The following LCOR variants were observed in gnomAD, a reference collection of about 807,000 sequenced individuals.
LCOR encodes the protein ligand dependent nuclear receptor corepressor.
LCOR carries 14 observed loss-of-function variants against 64.4 expected under a neutral mutation model. The ratio of observed to expected loss-of-function variants is 0.22; its 90% CI spans 0.14 to 0.34. The LOEUF is 0.34. LCOR is among the 10% of genes least tolerant of loss of function. The pLI is 1.00. For missense variants in LCOR, 1,686 were observed against 1,765.3 expected (o/e 0.96, Z 0.80); for synonymous variants, 643 against 642.5 (o/e 1.00, Z -0.01).
chr10:96,949,745 G>A (rs962391459), intron 6 of LCOR, among the ~76,000 whole-genome samples: 5 of 152,098 alleles, frequency 3.3e-5, no homozygotes, highest in African/African-American at 1.2e-4. Context: ...ACATGTATTC[G>A]AATTTTGAGA....
intron 2 of LCOR, among the ~76,000 whole-genome samples, chr10:96,868,435 C>T (rs370513662): frequency 7.3e-5 from 11 of 151,606 alleles, no homozygotes; most frequent in Non-Finnish European, 4.4e-5. Flanking sequence ...CCACCACCCC[C>T]GGCTAATTTT....
At chr10:96,845,360 A>T (rs1228109496) in intron 2 of LCOR, among the ~76,000 whole-genome samples, 2 of 151,166 alleles carry the variant, frequency 1.3e-5, no homozygotes, top group Non-Finnish European at 2.9e-5. Context: ...AATGATATAA[A>T]CACTAATTTC....
At chr10:96,940,845 G>C (rs1201462003) in intron 4 of LCOR, among the ~76,000 whole-genome samples, 1 of 150,396 alleles carries the variant, frequency 6.6e-6, no homozygotes, top group Non-Finnish European at 1.5e-5. Context: ...CCTCCCAGAC[G>C]GGGTCGTGGC....
chr10:96,924,098 A>G (rs1055557879), intron 4 of LCOR, among the ~76,000 whole-genome samples: 1 of 152,166 alleles, frequency 6.6e-6, no homozygotes, highest in Admixed American at 6.6e-5. Flanking sequence ...TACCTGTACC[A>G]CAAGCAAATA....
At chr10:96,853,966 G>A (rs1001793625) in intron 2 of LCOR, among the ~76,000 whole-genome samples, 2 of 152,124 alleles carry the variant, frequency 1.3e-5, no homozygotes, top group Non-Finnish European at 2.9e-5. Context: ...CATGGGGGAA[G>A]CTGCCTCCAT....
chr10:96,958,104 A>C, intron 7 of LCOR: 4 of 1,118,676 alleles, frequency 3.6e-6, no homozygotes, highest in Non-Finnish European at 4.4e-6. Context: ...GCACACAATT[A>C]ATTGCAGCCA....
chr10:96,920,511 T>C (rs1847039608), intron 4 of LCOR, among the ~76,000 whole-genome samples: 1 of 147,262 alleles, frequency 6.8e-6, no homozygotes, highest in Non-Finnish European at 1.5e-5. Flanking sequence ...TATATGTATG[T>C]ATATTCAGAT....
chr10:96,964,976 TAAAGAAC>T (rs1847933280), intron 7 of LCOR, among the ~76,000 whole-genome samples: 1 of 152,036 alleles, frequency 6.6e-6, no homozygotes, highest in African/African-American at 2.4e-5. Flanking sequence ...CCAGAACACA[TAAAGAAC>T]AGAGTATATG....
At chr10:96,881,663 G>T (rs891092391) in intron 2 of LCOR, among the ~76,000 whole-genome samples, 3 of 152,052 alleles carry the variant, frequency 2.0e-5, no homozygotes, top group Admixed American at 6.6e-5. Flanking sequence ...CACCATGTTG[G>T]CCAGGCTGGT....
rs372411239 is a variant in LCOR, at chr10:96,984,087, C to T, written c.3627C>T (p.Asp1209=). 9.3e-6 allele frequency: 15 copies of T among 1,613,998 alleles called. No homozygotes were observed. Among genetic ancestry groups the T allele is most frequent in the Middle Eastern group, 1.6e-4 (1 of 6,084 alleles). ...AGCTCAATACTCGCCTTCCAGGAGA[C>T]GTTCCCCCTGTCAAGCATCCTCTTC... is the stretch of plus-strand genomic sequence containing the variant. ...VKKLNTRLPG[D]VPPVKHPLQK... Residue 1209 remains aspartate, a synonymous_variant, in exon 8 of 8, where the codon GAC becomes GAT. Transcript: ENST00000421806.
In LCOR at chr10:96,832,350, C is replaced by G. The variant is rs189431646; in HGVS notation, c.-453C>G. The G allele has an allele frequency of 3.7e-4, 362 of 985,086 alleles. 2 individuals are homozygous for G. The African/African-American group carries it at 6.1e-3, about 17-fold the overall frequency. The allele number at this position is 985,086 out of a possible 1,614,324, so 61.0% of individuals were successfully genotyped here. Reference sequence around the variant, plus strand: ...AGCAATGCTCCGTTGAGAGACGCGGCTTTCGGCAAGAACTGGATTCGTGGC... The same window carrying G: ...AGCAATGCTCCGTTGAGAGACGCGGGTTTCGGCAAGAACTGGATTCGTGGC... On this transcript the variant is annotated 5_prime_UTR_variant, in exon 1 of 8. Transcript: ENST00000421806.
At chr10:96,931,833 G>T (rs752904847) in intron 4 of LCOR, among the ~76,000 whole-genome samples, 1 of 152,170 alleles carries the variant, frequency 6.6e-6, no homozygotes, top group African/African-American at 2.4e-5. Context: ...TAATAAGTAC[G>T]TGGGAACTGT....
Position 96,987,635 on chromosome 10 carries a change from A to G in LCOR, c.*2501A>G, listed in dbSNP as rs899815815. On this transcript the variant is annotated 3_prime_UTR_variant, in exon 8 of 8. Transcript: ENST00000421806. ...TATAATAAGGACATTTAAATAGACC[A>G]AGAGTCTACATAATTATGACACTTA... 1 of 152,240 alleles carries G rather than the reference A, an allele frequency of 6.6e-6. No individual in the cohort carries two copies. Among genetic ancestry groups the G allele is most frequent in the African/African-American group, 2.4e-5 (1 of 41,448 alleles). 9.4% of individuals were successfully genotyped at this position (152,240 alleles called of 1,614,324 possible).
In LCOR at chr10:96,870,594, T is replaced by A. The variant is rs566858362; in HGVS notation, c.-329-36671T>A. The stretch of plus-strand genomic sequence containing the variant: ...TAAAGTTTTGAAAAACATGTGCTAT[T>A]TGGAATTACGTCATCCTCGAATATT... On this transcript the variant is annotated intron_variant, in intron 2 of 7. Transcript: ENST00000421806. Among the ~76,000 whole-genome samples the A allele has an allele frequency of 3.2e-4, 48 of 152,336 alleles. 1 individual carries two copies. The South Asian group carries it at 9.3e-3, about 30-fold the overall frequency.
intron 4 of LCOR, among the ~76,000 whole-genome samples, chr10:96,924,036 T>C (rs1847125445): frequency 6.6e-6 from 1 of 152,194 alleles, no homozygotes; most frequent in South Asian, 2.1e-4. Context: ...AGTCATTCAC[T>C]TCCATATGCT....
intron 4 of LCOR, among the ~76,000 whole-genome samples, chr10:96,933,094 TATTA>T (rs1388183423): frequency 1.3e-5 from 2 of 152,356 alleles, no homozygotes; most frequent in South Asian, 2.1e-4. Flanking sequence ...AAAATCCTAA[TATTA>T]ATTGAGGATA....
Position 96,966,260 on chromosome 10 carries a change from G to A in LCOR, c.332+14064G>A, listed in dbSNP as rs921740925. Among the ~76,000 whole-genome samples the A allele has an allele frequency of 3.4e-4, 39 of 113,748 alleles. 1 individual carries two copies. Among genetic ancestry groups the A allele is most frequent in the African/African-American group, 1.2e-3 (35 of 28,076 alleles). The allele number at this position is 113,748 out of a possible 152,430, so 74.6% of individuals were successfully genotyped here. A position where few individuals can be genotyped will look rare whatever the true frequency, so the allele number is the denominator to read the frequency against. The stretch of plus-strand genomic sequence containing the variant: ...TTTTTTTTTTTTGAGACGGAGTCTC[G>A]CTGTGTCTCCCAGGTTGGAGTGCAG... On this transcript the variant is annotated intron_variant, in intron 7 of 7. Transcript: ENST00000421806.
chr10:96,897,386 C>G (rs955967562), intron 2 of LCOR, among the ~76,000 whole-genome samples: 1 of 152,134 alleles, frequency 6.6e-6, no homozygotes. Context: ...GGATTGTGAA[C>G]TGATGTAATT....
At chr10:96,976,275 T>C (rs1848039535) in intron 7 of LCOR, among the ~76,000 whole-genome samples, 1 of 152,248 alleles carries the variant, frequency 6.6e-6, no homozygotes, top group Admixed American at 6.5e-5. Flanking sequence ...TCTCCTGAGC[T>C]TCCACAAACT....
Sources: gnomAD v4.1 joint callset for allele counts (sites outside exome capture counted in the v4.1 genomes callset) on GRCh38, gnomAD v4.1.1 for gene constraint, MANE v1.5 for transcripts, NCBI Gene and HGNC (gene_info 2026-07-23, HGNC 2026-07-21) for gene names.